PTCHD4: variants seen among roughly 807,000 people sequenced by gnomAD.
The protein encoded by PTCHD4 is patched domain containing 4.
In PTCHD4, 33 loss-of-function variants were observed where a neutral mutation model predicts 58.1. That is an observed-to-expected ratio of 0.57 (90% CI 0.43 to 0.76). The LOEUF (loss-of-function observed/expected upper bound fraction) is 0.76, where lower values mean the gene tolerates loss of function less well. Ranked by LOEUF, PTCHD4 falls within the 30% of genes least tolerant of loss-of-function variation. PTCHD4 has a pLI of 0.00. For synonymous variants in PTCHD4, 478 were observed against 409.6 expected (o/e 1.17, Z -2.02); for missense variants, 1,058 against 1,027.1 (o/e 1.03, Z -0.41).
chr6:48,005,977 T>C (rs1011346069), intron 4 of PTCHD4, among the ~76,000 whole-genome samples: 7 of 152,174 alleles, frequency 4.6e-5, no homozygotes, highest in African/African-American at 1.7e-4. Context: ...CTTGGCCTCT[T>C]TTCTACTACA....
chr6:48,053,086 C>G (rs945415263), intron 3 of PTCHD4, among the ~76,000 whole-genome samples: 1 of 152,020 alleles, frequency 6.6e-6, no homozygotes, highest in African/African-American at 2.4e-5. Context: ...GTTGACTTGC[C>G]ACACTGATCT....
At chr6:48,026,546 T>C (rs1224786062) in intron 3 of PTCHD4, among the ~76,000 whole-genome samples, 1 of 152,118 alleles carries the variant, frequency 6.6e-6, no homozygotes, top group Non-Finnish European at 1.5e-5. Flanking sequence ...AACCCATCTC[T>C]GCCTCTATTC....
At chr6:47,948,516 C>T (rs1241749412) in intron 4 of PTCHD4, among the ~76,000 whole-genome samples, 1 of 152,110 alleles carries the variant, frequency 6.6e-6, no homozygotes, top group Non-Finnish European at 1.5e-5. Context: ...ACTTTTTTAG[C>T]TTATTTATTT....
intron 4 of PTCHD4, among the ~76,000 whole-genome samples, chr6:47,985,035 A>G (rs1009293688): frequency 6.6e-6 from 1 of 152,138 alleles, no homozygotes; most frequent in Non-Finnish European, 1.5e-5. Context: ...TTCAAATATA[A>G]TTATGACCAT....
rs1764441679 is a variant in PTCHD4, at chr6:48,057,196, T to G, written c.417+11034A>C. Among the ~76,000 whole-genome samples, 3 of 151,960 alleles carry G rather than the reference T, an allele frequency of 2.0e-5. No homozygotes were observed. In the South Asian group the frequency reaches 6.2e-4, roughly 32 times the overall value. On this transcript the variant is annotated intron_variant, in intron 3 of 4. Transcript: ENST00000339488. The stretch of plus-strand genomic sequence containing the variant: ...GTTTTTTTTGTTTTTTTTTGTTTTT[T>G]TTGTTTTTTTTTTCTGAGCCCAAAG...
At chr6:48,070,430 A>G (rs1049130336) in intron 1 of PTCHD4, among the ~76,000 whole-genome samples, 4 of 152,184 alleles carry the variant, frequency 2.6e-5, no homozygotes, top group African/African-American at 9.6e-5. Context: ...TCTTCAGTTA[A>G]GAGACCAATG....
At chr6:47,983,164 G>C (rs1215604634) in intron 4 of PTCHD4, among the ~76,000 whole-genome samples, 1 of 152,042 alleles carries the variant, frequency 6.6e-6, no homozygotes, top group African/African-American at 2.4e-5. Flanking sequence ...TCAAGCTGAA[G>C]GGAAGAAAAC....
intron 4 of PTCHD4, among the ~76,000 whole-genome samples, chr6:47,904,022 T>C (rs1376297734): frequency 6.6e-6 from 1 of 152,144 alleles, no homozygotes; most frequent in Non-Finnish European, 1.5e-5. Context: ...GGAGACTGCC[T>C]GAAATGTTCA....
intron 4 of PTCHD4, among the ~76,000 whole-genome samples, chr6:47,993,365 G>A (rs1768352420): frequency 6.6e-6 from 1 of 152,124 alleles, no homozygotes; most frequent in African/African-American, 2.4e-5. Context: ...CAATAGCTAA[G>A]ATAGATATAA....
chr6:48,010,088 C>T (rs972736006), intron 3 of PTCHD4, among the ~76,000 whole-genome samples: 1 of 152,162 alleles, frequency 6.6e-6, no homozygotes, highest in African/African-American at 2.4e-5. Context: ...TTTATTATTG[C>T]CACAACTATC....
At chr6:47,917,923 A>C (rs1442989689) in intron 4 of PTCHD4, among the ~76,000 whole-genome samples, 1 of 152,178 alleles carries the variant, frequency 6.6e-6, no homozygotes, top group African/African-American at 2.4e-5. Flanking sequence ...TTTCATCTCC[A>C]GGCATAACGT....
chr6:47,890,878 T>C, intron 4 of PTCHD4: 1 of 984,548 alleles, frequency 1.0e-6, no homozygotes, highest in Non-Finnish European at 1.2e-6. Flanking sequence ...GTTTTCAATT[T>C]TTTTCTCTGT....
intron 1 of PTCHD4, among the ~76,000 whole-genome samples, chr6:48,089,814 T>C (rs1765330299): frequency 6.6e-6 from 1 of 152,232 alleles, no homozygotes; most frequent in Non-Finnish European, 1.5e-5. Flanking sequence ...TGTCTCATCT[T>C]ATGCCTACCT....
At chr6:47,941,337 C>T (rs562366616) in intron 4 of PTCHD4, among the ~76,000 whole-genome samples, 6 of 152,232 alleles carry the variant, frequency 3.9e-5, no homozygotes, top group South Asian at 4.2e-4. Context: ...CCCTGCAGGT[C>T]GGCAACTCCT....
intron 1 of PTCHD4, among the ~76,000 whole-genome samples, chr6:48,109,338 T>A (rs1269160525): frequency 2.6e-5 from 4 of 152,142 alleles, no homozygotes; most frequent in African/African-American, 9.7e-5. Context: ...CATACAACTT[T>A]TTAAAATCAT....
chr6:47,999,314 T>C (rs1470679056), intron 4 of PTCHD4, among the ~76,000 whole-genome samples: 1 of 152,172 alleles, frequency 6.6e-6, no homozygotes, highest in Non-Finnish European at 1.5e-5. Flanking sequence ...TTCACATCAT[T>C]GGCCAGTGTT....
intron 4 of PTCHD4, among the ~76,000 whole-genome samples, chr6:47,941,151 T>C (rs552890777): frequency 3.0e-4 from 46 of 152,336 alleles, no homozygotes; most frequent in African/African-American, 1.1e-3. Flanking sequence ...TTTTCCAGAA[T>C]CCTTGCTAGC....
chr6:47,890,977 G>C, intron 4 of PTCHD4: 1 of 661,898 alleles, frequency 1.5e-6, no homozygotes, highest in Non-Finnish European at 1.9e-6. Context: ...GGGGGCTGAG[G>C]CTGGTGGATC....
rs186833080 is a variant in PTCHD4 at position 48,043,569 on chromosome 6, C to T, written c.417+24661G>A. Among the ~76,000 whole-genome samples, 941 of 151,884 alleles carry T rather than the reference C, an allele frequency of 6.2e-3. 4 individuals are homozygous for T. The highest frequency in any genetic ancestry group is 0.01 in the Middle Eastern group (3 of 294). On this transcript the variant is annotated intron_variant, in intron 3 of 4. Coordinates refer to ENST00000339488, the MANE Select transcript of PTCHD4 (RefSeq NM_001384253.1). ...CTTTATTTTTAGTTTAAGTCATTTGCTATAATGCATTTTCTTTGTAACAGC... is the reference window on the plus strand; with the variant it reads ...CTTTATTTTTAGTTTAAGTCATTTGTTATAATGCATTTTCTTTGTAACAGC...
Sources: allele counts gnomAD v4.1 joint callset (sites outside exome capture counted in the v4.1 genomes callset), GRCh38; gene constraint gnomAD v4.1.1; transcripts MANE v1.5; gene names NCBI Gene and HGNC (gene_info 2026-07-23, HGNC 2026-07-21).